SMAP1: variants seen among roughly 807,000 people sequenced by gnomAD.
The protein encoded by SMAP1 is stromal membrane-associated protein 1.
Under a neutral mutation model 58.5 loss-of-function variants are expected in SMAP1, and 24 were observed. The observed-to-expected ratio is 0.41, with a 90% CI of 0.30 to 0.58. The LOEUF (loss-of-function observed/expected upper bound fraction) is 0.58, where lower values mean the gene tolerates loss of function less well. SMAP1 is among the 20% of genes least tolerant of loss of function. The pLI, the probability that SMAP1 is intolerant of heterozygous loss-of-function variation, is 0.29. For synonymous variants in SMAP1, 216 were observed against 196.6 expected (o/e 1.10, Z -0.82); for missense variants, 563 against 566.3 (o/e 0.99, Z 0.06).
intron 4 of SMAP1, among the ~76,000 whole-genome samples, chr6:70,790,123 G>T (rs17696189): frequency 0.011 from 1,744 of 152,164 alleles, 34 homozygotes; most frequent in African/African-American, 0.04. Flanking sequence ...TAAAGTGATC[G>T]TACGGCTTTT....
At chr6:70,749,321 G>T (rs1766179165) in intron 2 of SMAP1, among the ~76,000 whole-genome samples, 1 of 152,122 alleles carries the variant, frequency 6.6e-6, no homozygotes, top group African/African-American at 2.4e-5. Flanking sequence ...AACACCTGAC[G>T]TGTGGGTATT....
At chr6:70,833,502 A>G (rs1770446945) in intron 6 of SMAP1, among the ~76,000 whole-genome samples, 1 of 152,206 alleles carries the variant, frequency 6.6e-6, no homozygotes, top group African/African-American at 2.4e-5. Flanking sequence ...AGGATAATTC[A>G]TGTCTGAATT....
At chr6:70,808,726 C>T (rs1365654037) in intron 6 of SMAP1, among the ~76,000 whole-genome samples, 3 of 152,176 alleles carry the variant, frequency 2.0e-5, no homozygotes, top group Non-Finnish European at 4.4e-5. Flanking sequence ...AGGTGGATTT[C>T]AGATAGCTAC....
At chr6:70,781,629 G>C (rs1043898555) in intron 4 of SMAP1, among the ~76,000 whole-genome samples, 1 of 152,192 alleles carries the variant, frequency 6.6e-6, no homozygotes, top group African/African-American at 2.4e-5. Context: ...TTCAGTGACT[G>C]TATCTTTTTC....
At chr6:70,822,424 AGT>A (rs67567456) in intron 6 of SMAP1, among the ~76,000 whole-genome samples, 64,244 of 151,862 alleles carry the variant, frequency 0.42, 14,032 homozygotes, top group South Asian at 0.5. Context: ...GCTATTGAGT[AGT>A]GGCTGTGCTG....
intron 3 of SMAP1, among the ~76,000 whole-genome samples, chr6:70,757,009 A>G (rs1429051538): frequency 6.6e-6 from 1 of 152,198 alleles, no homozygotes; most frequent in African/African-American, 2.4e-5. Flanking sequence ...ACAGAATTGG[A>G]AAAAACTACT....
In SMAP1 at chr6:70,728,368, AGAAGC is replaced by A. The variant is rs1765274625; in HGVS notation, c.119-4009_119-4005del. Among the ~76,000 whole-genome samples, 5 of 152,338 alleles carry A rather than the reference AGAAGC, an allele frequency of 3.3e-5. No individual in the cohort carries two copies. In the South Asian group the frequency reaches 1.0e-3, roughly 32 times the overall value. ...ACAGCCACATTTCTAGGTAAAATTCAGAAGCCTTTATTACTTAAAGGAAGAATGGG... is the reference window on the plus strand; with the variant it reads ...ACAGCCACATTTCTAGGTAAAATTCACTTTATTACTTAAAGGAAGAATGGG... On this transcript the variant is annotated intron_variant, in intron 1 of 10. Transcript: ENST00000370455.
chr6:70,851,835 T>A (rs1364534654), intron 7 of SMAP1, among the ~76,000 whole-genome samples: 1 of 152,218 alleles, frequency 6.6e-6, no homozygotes, highest in Non-Finnish European at 1.5e-5. Context: ...TGCAGTGGCT[T>A]GGTACAGCCA....
Position 70,852,635 on chromosome 6 carries a change from T to G in SMAP1, c.760T>G (p.Leu254Val), listed in dbSNP as rs778602565. The change falls in exon 8 of 11, where the codon TTA (leucine) becomes GTA (valine). Residue 254 changes from leucine (L) to valine (V), a missense_variant. Physicochemically the swap from Leu to Val is conservative, Grantham distance 32. Coordinates refer to ENST00000370455, the MANE Select transcript of SMAP1 (RefSeq NM_001044305.3). ...CTTTGGACCGATGATTTCTAATCCC[T>G]TACCTGCAACTGTCATGCCCCCAGC... The part of the protein sequence containing the change: ...DIFGPMISNP[L>V]PATVMPPAQG... The G allele has an allele frequency of 6.2e-7, 1 of 1,608,866 alleles. No individual in the cohort carries two copies. Among genetic ancestry groups the G allele is most frequent in the Non-Finnish European group, 8.5e-7 (1 of 1,177,426 alleles).
At chr6:70,749,947 G>T (rs1766208090) in intron 2 of SMAP1, among the ~76,000 whole-genome samples, 1 of 152,212 alleles carries the variant, frequency 6.6e-6, no homozygotes, top group African/African-American at 2.4e-5. Flanking sequence ...TGGTTTCCAA[G>T]ATTTTGGAAG....
intron 1 of SMAP1, chr6:70,668,532 C>T (rs1766131499): frequency 5.9e-6 from 9 of 1,522,128 alleles, no homozygotes; most frequent in African/African-American, 1.4e-5. Flanking sequence ...TCATAGCTAT[C>T]TCTGTGGGTG....
intron 1 of SMAP1, among the ~76,000 whole-genome samples, chr6:70,720,838 C>T (rs1403030888): frequency 1.3e-5 from 2 of 152,144 alleles, no homozygotes; most frequent in Non-Finnish European, 2.9e-5. Context: ...TGGGCCCGGC[C>T]CATGAAACCA....
chr6:70,704,393 C>G (rs1767754195), intron 1 of SMAP1, among the ~76,000 whole-genome samples: 1 of 152,146 alleles, frequency 6.6e-6, no homozygotes, highest in African/African-American at 2.4e-5. Context: ...CTGTGATGTG[C>G]TGTGCTCTTC....
chr6:70,709,840 T>G (rs1767979844), intron 1 of SMAP1, among the ~76,000 whole-genome samples: 1 of 152,212 alleles, frequency 6.6e-6, no homozygotes, highest in Non-Finnish European at 1.5e-5. Context: ...GAACACAAGG[T>G]ATCTTTCCAT....
chr6:70,684,364 C>T (rs1323309796), intron 1 of SMAP1, among the ~76,000 whole-genome samples: 2 of 152,114 alleles, frequency 1.3e-5, no homozygotes, highest in African/African-American at 4.8e-5. Context: ...CTTTACTGTG[C>T]TTGATCAGAC....
intron 1 of SMAP1, among the ~76,000 whole-genome samples, chr6:70,728,539 T>C (rs1014156929): frequency 6.6e-5 from 10 of 152,228 alleles, no homozygotes; most frequent in Non-Finnish European, 1.3e-4. Context: ...TTTAAAATTA[T>C]ACAGTCGATT....
intron 4 of SMAP1, among the ~76,000 whole-genome samples, chr6:70,790,221 A>T (rs920137136): frequency 6.6e-6 from 1 of 152,044 alleles, no homozygotes; most frequent in East Asian, 1.9e-4. Context: ...GCTCACTGCA[A>T]CCTCCGCCTC....
intron 1 of SMAP1, among the ~76,000 whole-genome samples, chr6:70,713,189 G>C (rs1768129399): frequency 6.6e-6 from 1 of 152,028 alleles, no homozygotes; most frequent in African/African-American, 2.4e-5. Flanking sequence ...CTACCTGGGA[G>C]TTTGTCAGTT....
At chr6:70,746,015 A>G (rs987169764) in intron 2 of SMAP1, among the ~76,000 whole-genome samples, 4 of 152,102 alleles carry the variant, frequency 2.6e-5, no homozygotes, top group East Asian at 3.9e-4. Context: ...ATTTTTGCAC[A>G]TGATTTTGTA....
Sources: allele counts gnomAD v4.1 joint callset (sites outside exome capture counted in the v4.1 genomes callset), GRCh38; gene constraint gnomAD v4.1.1; transcripts MANE v1.5; gene names NCBI Gene and HGNC (gene_info 2026-07-23, HGNC 2026-07-21).